Variants in HDAC9 observed in about 807,000 individuals in gnomAD.
The protein encoded by HDAC9 is histone deacetylase 9, also known as MEF-2 interacting transcription repressor (MITR) protein.
A neutral mutation model predicts 139.4 loss-of-function variants in HDAC9; 41 were observed. That is an observed-to-expected ratio of 0.29 (90% CI 0.23 to 0.38). The LOEUF (loss-of-function observed/expected upper bound fraction) is 0.38, where lower values mean the gene tolerates loss of function less well. Among genes scored for constraint, HDAC9 ranks in the 10% least tolerant of loss-of-function variants. The probability of loss-of-function intolerance (pLI) is 1.00; values close to 1 mark genes in which losing one functional copy is unlikely to be tolerated. For synonymous variants in HDAC9, 517 were observed against 476.2 expected, an observed-to-expected ratio of 1.09 and a Z score of -1.12; for missense variants, 1,147 against 1,297.0, an observed-to-expected ratio of 0.88 and a Z score of 1.78.
At chr7:18,828,681 A>T (rs1404774777) in intron 17 of HDAC9, among the ~76,000 whole-genome samples, 1 of 151,932 alleles carries the variant, frequency 6.6e-6, no homozygotes, top group East Asian at 1.9e-4. Context: ...TGTGAGTGTA[A>T]ATTTATCATT....
At chr7:18,744,033 T>TTTTTTTTTTTTTTGATTGG (rs1787710108) in intron 13 of HDAC9, among the ~76,000 whole-genome samples, 1 of 148,882 alleles carries the variant, frequency 6.7e-6, no homozygotes, top group African/African-American at 2.5e-5. Flanking sequence ...TTTTTTTTTT[T>TTTTTTTTTTTTTTGATTGG]GAGATGGAGT....
At chr7:18,853,468 G>T (rs1044142668) in intron 21 of HDAC9, among the ~76,000 whole-genome samples, 4 of 152,124 alleles carry the variant, frequency 2.6e-5, no homozygotes, top group Non-Finnish European at 5.9e-5. Flanking sequence ...AAGATAATTT[G>T]TTCTGTAATT....
intron 17 of HDAC9, among the ~76,000 whole-genome samples, chr7:18,805,086 T>C (rs1219148499): frequency 1.3e-5 from 2 of 152,182 alleles, no homozygotes; most frequent in Admixed American, 6.5e-5. Flanking sequence ...CATGAGCCCC[T>C]GCGCCTGGCC....
intron 13 of HDAC9, among the ~76,000 whole-genome samples, chr7:18,736,342 G>C (rs1459533338): frequency 6.6e-6 from 1 of 152,168 alleles, no homozygotes; most frequent in African/African-American, 2.4e-5. Flanking sequence ...TCCAGTTTTT[G>C]CCCATTCAGT....
In HDAC9 at chr7:18,821,693, C is replaced by G. The variant is rs905206789; in HGVS notation, c.2323-7468C>G. On this transcript the variant is annotated intron_variant, in intron 17 of 25. Coordinates refer to ENST00000686413, the MANE Select transcript of HDAC9 (RefSeq NM_178425.4). ...GGATGTCCTACAGTTTAACTCAATT[C>G]TGACACTCTCTACCTGCAGATAGAA... Among the ~76,000 whole-genome samples the G allele has an allele frequency of 1.2e-4, 18 of 152,346 alleles. No homozygotes were observed. The East Asian group carries it at 3.5e-3, about 29-fold the overall frequency.
intron 1 of HDAC9, among the ~76,000 whole-genome samples, chr7:18,397,872 G>A (rs1787196066): frequency 6.6e-6 from 1 of 151,990 alleles, no homozygotes; most frequent in Non-Finnish European, 1.5e-5. Context: ...GCTGGCCTGT[G>A]GTGTCATTTT....
chr7:18,164,052 T>C (rs1202056055), intron 2 of HDAC9, among the ~76,000 whole-genome samples: 2 of 152,232 alleles, frequency 1.3e-5, no homozygotes, highest in Non-Finnish European at 1.5e-5. Context: ...CACTTGACTT[T>C]AGGGTCACCA....
At chr7:18,621,007 C>T (rs773561358) in intron 6 of HDAC9, among the ~76,000 whole-genome samples, 1 of 152,054 alleles carries the variant, frequency 6.6e-6, no homozygotes, top group Non-Finnish European at 1.5e-5. Flanking sequence ...GTAGTACACC[C>T]AAGTGTCCAA....
chr7:18,666,144 A>T, intron 11 of HDAC9, 69 bp from the exon 12 acceptor site: 1 of 1,441,442 alleles, frequency 6.9e-7, no homozygotes, highest in African/African-American at 1.4e-5. Context: ...TTAGAAATCA[A>T]AGTGTAATTT....
intron 22 of HDAC9, among the ~76,000 whole-genome samples, chr7:18,877,205 A>C (rs1799382991): frequency 6.6e-6 from 1 of 152,090 alleles, no homozygotes; most frequent in East Asian, 1.9e-4. Flanking sequence ...TGCTGCCCCA[A>C]CAAGTGGGTA....
intron 1 of HDAC9, among the ~76,000 whole-genome samples, chr7:18,320,277 G>T (rs1025232997): frequency 1.3e-5 from 2 of 152,154 alleles, no homozygotes. Flanking sequence ...TGTACTCTGT[G>T]GTTGATTTCT....
intron 1 of HDAC9, among the ~76,000 whole-genome samples, chr7:18,124,862 T>C (rs1258754562): frequency 6.6e-6 from 1 of 151,948 alleles, no homozygotes; most frequent in African/African-American, 2.4e-5. Flanking sequence ...AAGGAACAGA[T>C]GACTGATATT....
At chr7:18,744,018 T>G (rs1236425279) in intron 13 of HDAC9, among the ~76,000 whole-genome samples, 1 of 147,646 alleles carries the variant, frequency 6.8e-6, no homozygotes, top group African/African-American at 2.5e-5. Flanking sequence ...ACTAGTTTTT[T>G]TTTTTTTTTT....
intron 1 of HDAC9, among the ~76,000 whole-genome samples, chr7:18,118,909 T>G (rs542494798): frequency 6.6e-6 from 1 of 152,328 alleles, no homozygotes; most frequent in Non-Finnish European, 1.5e-5. Flanking sequence ...AAAAGTGGCA[T>G]GCTGAATGCA....
At chr7:18,801,163 A>C (rs1018913178) in intron 17 of HDAC9, among the ~76,000 whole-genome samples, 1 of 152,090 alleles carries the variant, frequency 6.6e-6, no homozygotes, top group Non-Finnish European at 1.5e-5. Context: ...AAGACAATTG[A>C]ACATGGTGAG....
At chr7:18,155,408 G>T (rs1007587644) in intron 1 of HDAC9, among the ~76,000 whole-genome samples, 1 of 152,176 alleles carries the variant, frequency 6.6e-6, no homozygotes, top group Non-Finnish European at 1.5e-5. Context: ...GTTTTTATTA[G>T]TGCAGGTACT....
At chr7:18,419,930 C>A (rs1189482978) in intron 1 of HDAC9, among the ~76,000 whole-genome samples, 2 of 151,882 alleles carry the variant, frequency 1.3e-5, no homozygotes, top group Non-Finnish European at 2.9e-5. Flanking sequence ...AGCTTTCCAG[C>A]GATGGTAGCC....
chr7:18,142,137 A>C (rs1400183145), intron 1 of HDAC9, among the ~76,000 whole-genome samples: 1 of 151,162 alleles, frequency 6.6e-6, no homozygotes, highest in Non-Finnish European at 1.5e-5. Context: ...TCTGTCTCCT[A>C]GAGAGTATAG....
chr7:18,445,362 G>C (rs1792191536), intron 1 of HDAC9, among the ~76,000 whole-genome samples: 1 of 152,040 alleles, frequency 6.6e-6, no homozygotes, highest in East Asian at 1.9e-4. Context: ...TGAATAATTT[G>C]CTTATATATT....
Sources: allele counts gnomAD v4.1 joint callset (sites outside exome capture counted in the v4.1 genomes callset), GRCh38; gene constraint gnomAD v4.1.1; transcripts MANE v1.5; gene names NCBI Gene and HGNC (gene_info 2026-07-23, HGNC 2026-07-21).